TTC28: variants seen among roughly 807,000 people sequenced by gnomAD.
The protein encoded by TTC28 is tetratricopeptide repeat protein 28.
In TTC28, 61 loss-of-function variants were observed where a neutral mutation model predicts 198.0. The observed-to-expected ratio is 0.31, with a 90% CI of 0.25 to 0.38. The LOEUF (loss-of-function observed/expected upper bound fraction) is 0.38. Among genes scored for constraint, TTC28 ranks in the 10% least tolerant of loss-of-function variants. The probability of loss-of-function intolerance (pLI) is 1.00; values close to 1 mark genes in which losing one functional copy is unlikely to be tolerated. For missense variants in TTC28, 2,678 were observed against 3,164.0 expected (o/e 0.85, Z 3.69); for synonymous variants, 1,171 against 1,297.8 (o/e 0.90, Z 2.10).
At chr22:28,676,363 T>C (rs892588751) in intron 1 of TTC28, among the ~76,000 whole-genome samples, 1 of 152,128 alleles carries the variant, frequency 6.6e-6, no homozygotes, top group Non-Finnish European at 1.5e-5. Flanking sequence ...GAAAAGGCAA[T>C]AAGGATGACT....
intron 5 of TTC28, among the ~76,000 whole-genome samples, chr22:28,210,894 C>A (rs1002971701): frequency 1.3e-5 from 2 of 152,090 alleles, no homozygotes; most frequent in South Asian, 4.1e-4. Flanking sequence ...AGAGAAAGGT[C>A]GGGTTATCCA....
At chr22:28,450,990 C>T (rs2047770208) in intron 2 of TTC28, among the ~76,000 whole-genome samples, 1 of 152,136 alleles carries the variant, frequency 6.6e-6, no homozygotes, top group Non-Finnish European at 1.5e-5. Flanking sequence ...GTTGAGAAAA[C>T]AGAGATCAGT....
intron 12 of TTC28, among the ~76,000 whole-genome samples, chr22:28,077,051 A>C (rs929180437): frequency 6.6e-6 from 1 of 152,306 alleles, no homozygotes; most frequent in South Asian, 2.1e-4. Context: ...CTTATTAATT[A>C]TTATAGTTCT....
chr22:28,133,572 A>G (rs947931277), intron 6 of TTC28, among the ~76,000 whole-genome samples: 2 of 152,216 alleles, frequency 1.3e-5, no homozygotes, highest in East Asian at 1.9e-4. Flanking sequence ...TAACCCGCGC[A>G]TGGCTCAGAG....
intron 12 of TTC28, among the ~76,000 whole-genome samples, chr22:28,038,428 C>A (rs961234881): frequency 6.6e-6 from 1 of 152,196 alleles, no homozygotes; most frequent in Non-Finnish European, 1.5e-5. Flanking sequence ...AAAGGATTCC[C>A]TATTTAATAA....
chr22:28,657,199 AC>A (rs895174436), intron 1 of TTC28, among the ~76,000 whole-genome samples: 11 of 152,128 alleles, frequency 7.2e-5, no homozygotes, highest in African/African-American at 2.7e-4. Context: ...CTTAGATTAA[AC>A]CTAGGGAGTC....
chr22:28,560,338 C>A (rs1438603079), intron 2 of TTC28, among the ~76,000 whole-genome samples: 1 of 152,166 alleles, frequency 6.6e-6, no homozygotes, highest in African/African-American at 2.4e-5. Flanking sequence ...TTTACTTATT[C>A]TCTGCCAGCC....
intron 5 of TTC28, among the ~76,000 whole-genome samples, chr22:28,167,023 A>G (rs927011103): frequency 6.6e-6 from 1 of 152,242 alleles, no homozygotes; most frequent in Non-Finnish European, 1.5e-5. Context: ...ACAAACTACC[A>G]TCAGAGAATA....
rs34198666 is a variant in TTC28, at chr22:28,539,937, C to CTT, written c.381+89613_381+89614dup. 4.3e-3 allele frequency among the ~76,000 whole-genome samples: 367 copies of CTT among 84,582 alleles called. 7 individuals carry two copies. The highest frequency in any genetic ancestry group is 6.0e-3 in the Non-Finnish European group (261 of 43,508). 55.5% of individuals were successfully genotyped at this position (84,582 alleles called of 152,430 possible). A position where few individuals can be genotyped will look rare whatever the true frequency, so the allele number is the denominator to read the frequency against. ...CTACTTCTGGGGAGGCCTCAGGAAG[C>CTT]TTTTTTTTTTTTTTTTTTTTTTTCT... On this transcript the variant is annotated intron_variant, in intron 2 of 22. Transcript: ENST00000397906.
At chr22:28,353,357 A>AC (rs2046028149) in intron 2 of TTC28, among the ~76,000 whole-genome samples, 2 of 152,242 alleles carry the variant, frequency 1.3e-5, no homozygotes, top group Admixed American at 6.5e-5. Context: ...TAAAACTCAT[A>AC]TGGAATCTCA....
intron 2 of TTC28, among the ~76,000 whole-genome samples, chr22:28,557,910 A>G (rs2049810257): frequency 6.6e-6 from 1 of 152,052 alleles, no homozygotes; most frequent in African/African-American, 2.4e-5. Context: ...CTTGTTACCT[A>G]CCTAAGGCTT....
rs1426273977 is a variant in TTC28, at chr22:27,978,180, C to T, written c.*4041G>A. 2.0e-5 allele frequency: 3 copies of T among 152,232 alleles called. No homozygotes were observed. The highest frequency in any genetic ancestry group is 4.4e-5 in the Non-Finnish European group (3 of 68,018). 9.4% of individuals were successfully genotyped at this position (152,232 alleles called of 1,614,324 possible). The stretch of plus-strand genomic sequence containing the variant: ...TGGTGTAATTTACAAAAAAAGTCCA[C>T]GTAGGCCAAAGATGGCTAACACTGC... On this transcript the variant is annotated 3_prime_UTR_variant, in exon 23 of 23. Transcript: ENST00000397906.
chr22:28,616,389 A>G (rs1052198958), intron 2 of TTC28, among the ~76,000 whole-genome samples: 1 of 152,252 alleles, frequency 6.6e-6, no homozygotes, highest in African/African-American at 2.4e-5. Flanking sequence ...TAAGCATTCA[A>G]TAAGAGCTAT....
intron 1 of TTC28, among the ~76,000 whole-genome samples, chr22:28,648,221 CAAAAA>C (rs34510876): frequency 1.6e-5 from 1 of 62,486 alleles, no homozygotes; most frequent in South Asian, 5.3e-4. Flanking sequence ...GAGACTCTGT[CAAAAA>C]AAAAAAAAAA....
chr22:28,096,146 G>A (rs761843754), intron 11 of TTC28, 44 bp downstream of exon 11: 1 of 1,496,270 alleles, frequency 6.7e-7, no homozygotes. Context: ...ACTTTCACAG[G>A]TCTAGTCTTC....
At chr22:28,553,747 G>A (rs1262593216) in intron 2 of TTC28, among the ~76,000 whole-genome samples, 1 of 151,154 alleles carries the variant, frequency 6.6e-6, no homozygotes, top group East Asian at 2.0e-4. Flanking sequence ...CCGGGAGGGA[G>A]GTGAGGGGGT....
At chr22:28,397,795 T>G (rs2146090648) in intron 2 of TTC28, among the ~76,000 whole-genome samples, 1 of 152,296 alleles carries the variant, frequency 6.6e-6, no homozygotes, top group East Asian at 1.9e-4. Flanking sequence ...CTATGTTCTT[T>G]CTCCTACAAA....
chr22:28,117,378 G>A (rs1942661458), intron 6 of TTC28, among the ~76,000 whole-genome samples: 1 of 152,120 alleles, frequency 6.6e-6, no homozygotes, highest in Non-Finnish European at 1.5e-5. Context: ...TGATAGATGT[G>A]CCCTCCAATA....
chr22:28,429,912 A>C (rs1225183573), intron 2 of TTC28, among the ~76,000 whole-genome samples: 1 of 152,070 alleles, frequency 6.6e-6, no homozygotes, highest in African/African-American at 2.4e-5. Context: ...GACTCTTTTC[A>C]CCATCCAGAC....
Sources: gnomAD v4.1 joint callset for allele counts (sites outside exome capture counted in the v4.1 genomes callset) on GRCh38, gnomAD v4.1.1 for gene constraint, MANE v1.5 for transcripts, NCBI Gene and HGNC (gene_info 2026-07-23, HGNC 2026-07-21) for gene names.